The following CPSF4 variants were observed in gnomAD, a reference collection of about 807,000 sequenced individuals.
CPSF4 encodes the protein cleavage and polyadenylation specificity factor subunit 4.
A neutral mutation model predicts 37.7 loss-of-function variants in CPSF4; 11 were observed. The observed-to-expected ratio is 0.29, with a 90% CI of 0.18 to 0.48. CPSF4 has a LOEUF of 0.48. Among genes scored for constraint, CPSF4 ranks in the 20% least tolerant of loss-of-function variants. The pLI, the probability that CPSF4 is intolerant of heterozygous loss-of-function variation, is 0.99. For synonymous variants in CPSF4, 132 were observed against 135.9 expected, an observed-to-expected ratio of 0.97 and a Z score of 0.20; for missense variants, 144 against 359.5, an observed-to-expected ratio of 0.40 and a Z score of 4.85.
chr7:99,442,627 C>T (rs1246107878), intron 1 of CPSF4, among the ~76,000 whole-genome samples: 2 of 133,772 alleles, frequency 1.5e-5, no homozygotes, highest in Middle Eastern at 9.2e-3. Flanking sequence ...CACTGCACTC[C>T]AGCCTGGGCA....
chr7:99,454,484 T>C lies in CPSF4; in HGVS notation c.741+348T>C, dbSNP rs1299400168. ...GCCGCTGGCTGTCCTGGGGGCATCC[T>C]TGGATCCTGCAGGGCACACCCGAGA... On this transcript the variant is annotated intron_variant, in intron 7 of 7. Transcript: ENST00000292476. Among the ~76,000 whole-genome samples, 3 of 152,086 alleles carry C rather than the reference T, an allele frequency of 2.0e-5. No individual in the cohort carries two copies. In the East Asian group the frequency reaches 5.8e-4, roughly 29 times the overall value.
chr7:99,453,900 G>T lies in CPSF4; in HGVS notation c.571-66G>T. 2 of 1,497,324 alleles carry T rather than the reference G, an allele frequency of 1.3e-6. No homozygotes were observed. The highest frequency in any genetic ancestry group is 1.8e-5 in the Admixed American group (1 of 54,884). 92.8% of individuals were successfully genotyped at this position (1,497,324 alleles called of 1,614,324 possible). ...GACGAGTCCCGCCCTCTTTTTTCCT[G>T]TCCCCATCGGTAGTCTGCGTGCACG... On this transcript the variant is annotated intron_variant, in intron 6 of 7. Coordinates refer to ENST00000292476, the MANE Select transcript of CPSF4 (RefSeq NM_006693.4). This position sits in a 1 kb window ranked among gnomAD's most constrained non-coding sequence, Gnocchi z 4.7.
chr7:99,450,499 T>C, intron 4 of CPSF4, 128 bp downstream of exon 4: 1 of 754,846 alleles, frequency 1.3e-6, no homozygotes, highest in Admixed American at 2.4e-5. Flanking sequence ...AGCGGCTTTC[T>C]CACACTCCTC....
In CPSF4 at chr7:99,453,934, ACAGTAAAACCG is replaced by A; in HGVS notation, c.571-31_571-21del. ...GGTAGTCTGCGTGCACGTGTTTTCCACAGTAAAACCGTGTTGTGTAACTCTTTCCAGCAAAG... is the reference window on the plus strand; with the variant it reads ...GGTAGTCTGCGTGCACGTGTTTTCCATGTTGTGTAACTCTTTCCAGCAAAG... On this transcript the variant is annotated intron_variant, in intron 6 of 7. Transcript: ENST00000292476. This position sits in a 1 kb window ranked among gnomAD's most constrained non-coding sequence, Gnocchi z 4.7. 1 of 1,603,590 alleles carries A rather than the reference ACAGTAAAACCG, an allele frequency of 6.2e-7. No homozygotes were observed. The highest frequency in any genetic ancestry group is 8.5e-7 in the Non-Finnish European group (1 of 1,171,998).
At chr7:99,439,286 C>T (rs1796660454) in intron 1 of CPSF4, 101 bp downstream of exon 1, 3 of 818,540 alleles carry the variant, frequency 3.7e-6, no homozygotes, top group South Asian at 3.6e-5. Context: ...AGACCTCCCC[C>T]GGCTTCCTCT....
At chr7:99,455,294 T>C (rs895674680) in intron 7 of CPSF4, among the ~76,000 whole-genome samples, 2 of 152,196 alleles carry the variant, frequency 1.3e-5, no homozygotes, top group South Asian at 2.1e-4. Context: ...CCGACAGACA[T>C]GCCAGATGCC....
chr7:99,442,655 C>CAAA (rs751146641), intron 1 of CPSF4, among the ~76,000 whole-genome samples: 2,549 of 52,264 alleles, frequency 0.049, 217 homozygotes, highest in East Asian at 0.18. Flanking sequence ...GACTCCGTCT[C>CAAA]AAAAAAAAAA....
intron 1 of CPSF4, among the ~76,000 whole-genome samples, chr7:99,444,297 A>T (rs568751324): frequency 3.7e-4 from 56 of 152,246 alleles, no homozygotes; most frequent in African/African-American, 1.3e-3. Flanking sequence ...TCTCTACTAA[A>T]AATACAAAAA....
intron 1 of CPSF4, chr7:99,443,002 T>A: frequency 6.5e-7 from 1 of 1,539,454 alleles, no homozygotes; most frequent in Non-Finnish European, 9.0e-7. Context: ...TTCAGTTTCT[T>A]ATCATCTTCA....
chr7:99,444,661 A>G lies in CPSF4; in HGVS notation c.104-128A>G, dbSNP rs770680428. The G allele has an allele frequency of 1.9e-4, 156 of 836,420 alleles. 1 individual carries two copies. Among genetic ancestry groups the G allele is most frequent in the Non-Finnish European group, 2.9e-4 (152 of 529,150 alleles). 51.8% of individuals were successfully genotyped at this position (836,420 alleles called of 1,614,324 possible). A position where few individuals can be genotyped will look rare whatever the true frequency, so the allele number is the denominator to read the frequency against. On this transcript the variant is annotated intron_variant, in intron 1 of 7. Coordinates refer to ENST00000292476, the MANE Select transcript of CPSF4 (RefSeq NM_006693.4). ...TGGTTGGGCTTTGCAAATTTTTGCT[A>G]CTTTATTTCCTGTACCCTGAACCCT...
Position 99,457,186 on chromosome 7 carries a change from C to T in CPSF4, c.*686C>T. 1 of 159,500 alleles carries T rather than the reference C, an allele frequency of 6.3e-6. No homozygotes were observed. Among genetic ancestry groups the T allele is most frequent in the Non-Finnish European group, 1.4e-5 (1 of 71,436 alleles). The allele number at this position is 159,500 out of a possible 1,614,324, so 9.9% of individuals were successfully genotyped here. On this transcript the variant is annotated 3_prime_UTR_variant, in exon 8 of 8. Transcript: ENST00000292476. Reference sequence around the variant, plus strand: ...TAAATAGATGACCCCTTCAGATCATCTGTGCCTACCTCCTGCCCATCAGGC... The same window carrying T: ...TAAATAGATGACCCCTTCAGATCATTTGTGCCTACCTCCTGCCCATCAGGC...
At chr7:99,444,647 T>C in intron 1 of CPSF4, 142 bp from the exon 2 acceptor site, 1 of 699,316 alleles carries the variant, frequency 1.4e-6, no homozygotes, top group East Asian at 2.7e-5. Context: ...GGTTGGGCTT[T>C]GCAAATTTTT....
intron 5 of CPSF4, 49 bp from the exon 6 acceptor site, chr7:99,452,319 G>A (rs970499975): frequency 1.1e-5 from 17 of 1,496,270 alleles, no homozygotes; most frequent in Non-Finnish European, 1.6e-5. Flanking sequence ...CTCATCCCCT[G>A]ACCCCACTCC....
intron 1 of CPSF4, chr7:99,443,330 T>A (rs772989653): frequency 5.1e-5 from 48 of 948,524 alleles, no homozygotes; most frequent in Non-Finnish European, 8.0e-5. Flanking sequence ...CTGTTTCATC[T>A]CCTAGTACAT....
chr7:99,451,173 C>T (rs1797906498), intron 5 of CPSF4: 1 of 175,584 alleles, frequency 5.7e-6, no homozygotes, highest in Admixed American at 5.7e-5. Context: ...AAACCCTGAG[C>T]TTGGGGTTTC....
intron 2 of CPSF4, among the ~76,000 whole-genome samples, chr7:99,447,589 CTTTTTTT>C (rs1195818955): frequency 1.2e-4 from 15 of 129,068 alleles, no homozygotes; most frequent in Non-Finnish European, 2.4e-4. Context: ...TCATGAGTAA[CTTTTTTT>C]TTTTTTTTTT....
intron 1 of CPSF4, among the ~76,000 whole-genome samples, chr7:99,440,655 C>CGCGCATATATATATATATATATATATAT (rs1363427698): frequency 2.2e-5 from 2 of 90,634 alleles, no homozygotes; most frequent in African/African-American, 1.7e-4. Context: ...CTGCACCTGG[C>CGCGCATATATATATATATATATATATAT]ATATATATAT....
intron 7 of CPSF4, 39 bp from the exon 8 acceptor site, chr7:99,456,393 G>A (rs149707728): frequency 1.9e-6 from 3 of 1,593,966 alleles, no homozygotes; most frequent in Admixed American, 3.3e-5. Flanking sequence ...CAGTGTTGTT[G>A]TCTGTCTCTC....
In CPSF4 at chr7:99,453,641, A is replaced by G. The variant is rs181809364; in HGVS notation, c.571-325A>G. 1.8e-3 allele frequency: 459 copies of G among 256,420 alleles called. 1 individual carries two copies. The highest frequency in any genetic ancestry group is 7.9e-3 in the African/African-American group (351 of 44,392). The allele number at this position is 256,420 out of a possible 1,614,324, so 15.9% of individuals were successfully genotyped here. On this transcript the variant is annotated intron_variant, in intron 6 of 7. Transcript: ENST00000292476. This position sits in a 1 kb window ranked among gnomAD's most constrained non-coding sequence, Gnocchi z 4.7. The stretch of plus-strand genomic sequence containing the variant: ...CTGGCTGAACCAAGCGTTCATCCTG[A>G]CCTGAAGCCAGAACCTCAGAAACCA...
Sources: gnomAD v4.1 joint callset for allele counts (sites outside exome capture counted in the v4.1 genomes callset) on GRCh38, gnomAD v4.1.1 for gene constraint, Gnocchi (gnomAD v3.1) non-coding constraint, MANE v1.5 for transcripts, NCBI Gene and HGNC (gene_info 2026-07-23, HGNC 2026-07-21) for gene names.